Variants in PDE12 observed in about 807,000 individuals in gnomAD.
PDE12 encodes the protein 2',5'-phosphodiesterase 12.
A neutral mutation model predicts 45.4 loss-of-function variants in PDE12; 26 were observed. The ratio of observed to expected loss-of-function variants is 0.57; its 90% CI spans 0.42 to 0.79. The LOEUF (loss-of-function observed/expected upper bound fraction) is 0.79, where lower values mean the gene tolerates loss of function less well. PDE12 is among the 30% of genes least tolerant of loss of function. The probability of loss-of-function intolerance (pLI) is 0.00; values close to 1 mark genes in which losing one functional copy is unlikely to be tolerated. For synonymous variants in PDE12, 283 were observed against 323.9 expected (o/e 0.87, Z 1.36); for missense variants, 668 against 790.0 (o/e 0.85, Z 1.85).
In PDE12 at chr3:57,561,474, A is replaced by G; in HGVS notation, c.*1470A>G. 1.0e-6 allele frequency: 1 copy of G among 984,094 alleles called. No individual in the cohort carries two copies. Among genetic ancestry groups the G allele is most frequent in the Non-Finnish European group, 1.2e-6 (1 of 828,524 alleles). The allele number at this position is 984,094 out of a possible 1,614,324, so 61.0% of individuals were successfully genotyped here. A position where few individuals can be genotyped will look rare whatever the true frequency, so the allele number is the denominator to read the frequency against. On this transcript the variant is annotated 3_prime_UTR_variant, in exon 3 of 3. Transcript: ENST00000311180. ...TTAAATATGAAGCCAAACTTTTTAAAATTAGAAACTACAAATGGTTATACT... is the reference window on the plus strand; with the variant it reads ...TTAAATATGAAGCCAAACTTTTTAAGATTAGAAACTACAAATGGTTATACT...
the PDE12 span, chr3:57,626,874 CG>C: frequency 6.6e-6 from 1 of 152,376 alleles, no homozygotes; most frequent in Non-Finnish European, 1.5e-5. Flanking sequence ...GTGACTCAGG[CG>C]AAAGTTCCCA....
At chr3:57,583,893 C>T in the PDE12 span, 1 of 1,572,700 alleles carries the variant, frequency 6.4e-7, no homozygotes, top group Non-Finnish European at 8.7e-7. Flanking sequence ...TACAGTATCC[C>T]TTACCTGGGT....
chr3:57,620,354 C>T, the PDE12 span, among the ~76,000 whole-genome samples: 2 of 151,630 alleles, frequency 1.3e-5, no homozygotes, highest in Non-Finnish European at 2.9e-5. Context: ...AGTTTGAGAG[C>T]ACCCTCAGCA....
the PDE12 span, among the ~76,000 whole-genome samples, chr3:57,642,263 G>A: frequency 1.1e-4 from 15 of 141,636 alleles, no homozygotes; most frequent in East Asian, 3.1e-3. Context: ...GCAGTGAGCT[G>A]AGATTGCATC....
At chr3:57,619,818 C>G in the PDE12 span, among the ~76,000 whole-genome samples, 1 of 151,834 alleles carries the variant, frequency 6.6e-6, no homozygotes, top group Non-Finnish European at 1.5e-5. Context: ...CCACTGCACT[C>G]CAGCCCGGGC....
Position 57,557,530 on chromosome 3 carries a change from C to T in PDE12, c.1151C>T (p.Thr384Ile). Residue 384 changes from threonine (T) to isoleucine (I), a missense_variant, in exon 1 of 3, where the codon ACT (threonine) becomes ATT (isoleucine). Transcript: ENST00000311180. ...FRIKQHEGLA[T>I]FYRKSKFSLL... ...ATCAAGCAGCACGAAGGCCTGGCCA[C>T]TTTCTACCGAAAGTCTAAGTTCAGC... 4 of 1,614,084 alleles carry T rather than the reference C, an allele frequency of 2.5e-6. No individual in the cohort carries two copies. Among genetic ancestry groups the T allele is most frequent in the Non-Finnish European group, 3.4e-6 (4 of 1,180,028 alleles).
the PDE12 span, among the ~76,000 whole-genome samples, chr3:57,641,121 C>CTA: frequency 1.4e-5 from 2 of 146,154 alleles, no homozygotes; most frequent in African/African-American, 2.5e-5. Flanking sequence ...TATTGGGCTT[C>CTA]TATATATATA....
the PDE12 span, among the ~76,000 whole-genome samples, chr3:57,653,536 G>A: frequency 6.6e-6 from 1 of 151,892 alleles, no homozygotes; most frequent in Admixed American, 6.6e-5. Flanking sequence ...GTGAGGTCAG[G>A]AGATCGAGAC....
At chr3:57,576,792 C>A in the PDE12 span, among the ~76,000 whole-genome samples, 1 of 152,122 alleles carries the variant, frequency 6.6e-6, no homozygotes, top group African/African-American at 2.4e-5. Flanking sequence ...CAAAATGCCA[C>A]TGTGAACCAA....
At chr3:57,628,261 A>C in the PDE12 span, 4 of 1,614,156 alleles carry the variant, frequency 2.5e-6, no homozygotes, top group Non-Finnish European at 3.4e-6. Flanking sequence ...TCCTCTGGCA[A>C]TGCTAAGATA....
the PDE12 span, among the ~76,000 whole-genome samples, chr3:57,611,374 T>C: frequency 6.6e-6 from 1 of 152,054 alleles, no homozygotes; most frequent in Admixed American, 6.6e-5. Flanking sequence ...AAAGCCAAAA[T>C]TGACAAATGG....
the PDE12 span, among the ~76,000 whole-genome samples, chr3:57,635,143 T>A: frequency 6.6e-6 from 1 of 152,224 alleles, no homozygotes; most frequent in Non-Finnish European, 1.5e-5. Context: ...TAAGTATAAA[T>A]GGAATAGAGA....
the PDE12 span, among the ~76,000 whole-genome samples, chr3:57,575,305 CAAAAAAA>C: frequency 7.4e-6 from 1 of 135,010 alleles, no homozygotes; most frequent in Non-Finnish European, 1.6e-5. Flanking sequence ...CCTCTCCCTT[CAAAAAAA>C]AAAAAAAAGA....
At position 57,562,401 on chromosome 3, in the gene PDE12, C is replaced by G. The variant is rs1360570716; in HGVS notation, c.*2397C>G. The G allele has an allele frequency of 6.6e-6, 1 of 152,202 alleles. No individual in the cohort carries two copies. The highest frequency in any genetic ancestry group is 2.1e-4 in the South Asian group (1 of 4,832). The allele number at this position is 152,202 out of a possible 1,614,324, so 9.4% of individuals were successfully genotyped here. A position where few individuals can be genotyped will look rare whatever the true frequency, so the allele number is the denominator to read the frequency against. On this transcript the variant is annotated 3_prime_UTR_variant, in exon 3 of 3. Coordinates refer to ENST00000311180, the MANE Select transcript of PDE12 (RefSeq NM_177966.7). ...AGTGCCATATACTGTGATCAAATCT[C>G]CAGTATACGGATACGTTAAAATGAT...
chr3:57,564,545 T>C lies in PDE12; in HGVS notation c.*4541T>C, dbSNP rs535094745. 7.9e-4 allele frequency: 121 copies of C among 152,292 alleles called. 1 individual carries two copies. Among genetic ancestry groups the C allele is most frequent in the African/African-American group, 2.4e-3 (101 of 41,576 alleles). The allele number at this position is 152,292 out of a possible 1,614,324, so 9.4% of individuals were successfully genotyped here. On this transcript the variant is annotated 3_prime_UTR_variant, in exon 3 of 3. Coordinates refer to ENST00000311180, the MANE Select transcript of PDE12 (RefSeq NM_177966.7). The stretch of plus-strand genomic sequence containing the variant: ...CTTTTTTTTTAGTGTATTGAAGTAT[T>C]CCTAGGTTGCATTTGTGCTAGTTTC...
Position 57,556,513 on chromosome 3 carries a change from C to A in PDE12, c.134C>A (p.Ser45Ter). ...CGCGCTGTAGTGCGCTGCGTACCTT[C>A]GGAACCCAAGCTGAGCCTGTCATTC... ...MERAVVRCVP[S>*]EPKLSLSFAL... Residue 45 changes from serine to a stop codon, truncating the protein, a stop_gained, in exon 1 of 3, where the codon TCG becomes TAG. Transcript: ENST00000311180. LOFTEE classifies it high-confidence loss of function. This position sits in a 1 kb window ranked among gnomAD's most constrained non-coding sequence, Gnocchi z 5.0. 6.2e-7 allele frequency: 1 copy of A among 1,613,486 alleles called. No individual in the cohort carries two copies. Among genetic ancestry groups the A allele is most frequent in the African/African-American group, 1.3e-5 (1 of 75,066 alleles).
chr3:57,597,111 G>A, the PDE12 span: 6 of 1,614,026 alleles, frequency 3.7e-6, no homozygotes, highest in African/African-American at 1.3e-5. Flanking sequence ...CAAATAGTCG[G>A]GAGAAGAGGG....
In PDE12 at chr3:57,564,341, C is replaced by T. The variant is rs2069757538; in HGVS notation, c.*4337C>T. On this transcript the variant is annotated 3_prime_UTR_variant, in exon 3 of 3. Transcript: ENST00000311180. Reference sequence around the variant, plus strand: ...TGTCAAAAATCCATGTTCATACTGTCAGTGTTAGATTTTTACTCATAATTT... The same window carrying T: ...TGTCAAAAATCCATGTTCATACTGTTAGTGTTAGATTTTTACTCATAATTT... The T allele has an allele frequency of 1.3e-5, 2 of 152,198 alleles. No individual in the cohort carries two copies. Among genetic ancestry groups the T allele is most frequent in the South Asian group, 4.1e-4 (2 of 4,832 alleles). The allele number at this position is 152,198 out of a possible 1,614,324, so 9.4% of individuals were successfully genotyped here.
chr3:57,556,831 G>A lies in PDE12; in HGVS notation c.452G>A (p.Gly151Asp), dbSNP rs1303974257. ...CAAGACGGCGCGGTGCTGCAGATCGGCGATGTTAAGTACAAGGTGGAGCGC... is the reference window on the plus strand; with the variant it reads ...CAAGACGGCGCGGTGCTGCAGATCGACGATGTTAAGTACAAGGTGGAGCGC... ...AWQDGAVLQIGDVKYKVERNP... is the reference protein window; with the variant it reads ...AWQDGAVLQIDDVKYKVERNP... The change falls in exon 1 of 3, where the codon GGC (glycine) becomes GAC (aspartate). Residue 151 changes from glycine to aspartate, a missense_variant. Transcript: ENST00000311180. The surrounding 1 kb of genome is among the most constrained non-coding windows in gnomAD (Gnocchi z 5.0). The A allele has an allele frequency of 1.2e-6, 2 of 1,613,898 alleles. No homozygotes were observed. The highest frequency in any genetic ancestry group is 1.3e-5 in the African/African-American group (1 of 75,068).
Sources: allele counts gnomAD v4.1 joint callset (sites outside exome capture counted in the v4.1 genomes callset), GRCh38; gene constraint gnomAD v4.1.1; non-coding constraint Gnocchi (gnomAD v3.1); transcripts MANE v1.5; gene names NCBI Gene and HGNC (gene_info 2026-07-23, HGNC 2026-07-21).